The following ROR2 variants were observed in gnomAD, a reference collection of about 807,000 sequenced individuals.
The protein encoded by ROR2 is tyrosine-protein kinase transmembrane receptor ROR2.
Under a neutral mutation model 74.9 loss-of-function variants are expected in ROR2, and 33 were observed. The observed-to-expected ratio is 0.44, with a 90% confidence interval of 0.33 to 0.59. ROR2 has a LOEUF of 0.59. Among genes scored for constraint, ROR2 ranks in the 20% least tolerant of loss-of-function variants. ROR2 has a pLI of 0.02. For synonymous variants in ROR2, 586 were observed against 558.7 expected (o/e 1.05, Z -0.69); for missense variants, 1,216 against 1,313.8 (o/e 0.93, Z 1.15).
intron 1 of ROR2, among the ~76,000 whole-genome samples, chr9:91,920,287 C>T (rs1229062288): frequency 6.6e-6 from 1 of 152,148 alleles, no homozygotes; most frequent in African/African-American, 2.4e-5. Flanking sequence ...TGGGAGGTCA[C>T]TAGAGCCCAG....
chr9:91,893,172 G>A (rs532107445), intron 1 of ROR2, among the ~76,000 whole-genome samples: 62 of 152,264 alleles, frequency 4.1e-4, no homozygotes, highest in African/African-American at 1.4e-3. Flanking sequence ...GCTTTGGCTA[G>A]GAGACACCCC....
intron 1 of ROR2, among the ~76,000 whole-genome samples, chr9:91,808,546 C>A (rs1048365459): frequency 6.6e-6 from 1 of 152,042 alleles, no homozygotes; most frequent in Non-Finnish European, 1.5e-5. Context: ...ATCACTTGAA[C>A]CCGGAAGGTG....
chr9:91,822,583 T>A (rs1828168847), intron 1 of ROR2, among the ~76,000 whole-genome samples: 1 of 152,210 alleles, frequency 6.6e-6, no homozygotes, highest in Admixed American at 6.5e-5. Flanking sequence ...TAGAAAATTG[T>A]CATTTTGCAA....
chr9:91,833,741 G>A (rs1362392893), intron 1 of ROR2, among the ~76,000 whole-genome samples: 1 of 152,054 alleles, frequency 6.6e-6, no homozygotes. Context: ...ACACGCAGAA[G>A]GAGCTGTCCT....
At chr9:91,801,333 T>C (rs1827372608) in intron 1 of ROR2, among the ~76,000 whole-genome samples, 1 of 151,628 alleles carries the variant, frequency 6.6e-6, no homozygotes, top group South Asian at 2.1e-4. Context: ...TGCACGCTTT[T>C]TTATTTTATT....
At position 91,724,630 on chromosome 9, in the gene ROR2, G is replaced by A; in HGVS notation, c.1864C>T (p.Leu622=). 6.2e-7 allele frequency: 1 copy of A among 1,614,218 alleles called. No homozygotes were observed. Among genetic ancestry groups the A allele is most frequent in the Non-Finnish European group, 8.5e-7 (1 of 1,180,044 alleles). ...TTCACGTTCAGCTTGTCGTACACTA[G>A]CACATTGCGGGTGGCCAGGTCCTTG... ...VHKDLATRNV[L]VYDKLNVKIS... The change falls in exon 9 of 9, where the codon CTA becomes TTA. Residue 622 remains leucine, a synonymous_variant. Coordinates refer to ENST00000375708, the MANE Select transcript of ROR2 (RefSeq NM_004560.4).
intron 1 of ROR2, among the ~76,000 whole-genome samples, chr9:91,882,587 T>C (rs1177571769): frequency 1.3e-5 from 2 of 152,210 alleles, no homozygotes; most frequent in African/African-American, 2.4e-5. Context: ...CTGCTGTTTA[T>C]GGATTGTTAT....
chr9:91,741,686 GA>G (rs1461785446), intron 4 of ROR2, among the ~76,000 whole-genome samples: 3 of 152,116 alleles, frequency 2.0e-5, no homozygotes, highest in African/African-American at 2.4e-5. Context: ...ATCTTATTAT[GA>G]GAGAGGCTGA....
At chr9:91,877,353 G>A (rs1829985260) in intron 1 of ROR2, among the ~76,000 whole-genome samples, 1 of 152,284 alleles carries the variant, frequency 6.6e-6, no homozygotes, top group East Asian at 1.9e-4. Flanking sequence ...GAATGCTTCA[G>A]ATCAGCCTGT....
intron 1 of ROR2, among the ~76,000 whole-genome samples, chr9:91,878,395 T>C (rs1027987007): frequency 6.6e-6 from 1 of 152,200 alleles, no homozygotes; most frequent in Non-Finnish European, 1.5e-5. Context: ...CTGCAAAGCC[T>C]TCCCAGCCTT....
chr9:91,799,220 C>T (rs1827294936), intron 1 of ROR2, among the ~76,000 whole-genome samples: 1 of 152,196 alleles, frequency 6.6e-6, no homozygotes, highest in South Asian at 2.1e-4. Flanking sequence ...TTCAATGACA[C>T]TGCCCCAGGG....
chr9:91,754,603 G>A (rs374384026), intron 4 of ROR2, among the ~76,000 whole-genome samples: 5 of 152,030 alleles, frequency 3.3e-5, no homozygotes, highest in African/African-American at 4.8e-5. Context: ...TGCAGTGAGC[G>A]GAGACTGCAC....
chr9:91,861,084 C>A (rs968762016), intron 1 of ROR2, among the ~76,000 whole-genome samples: 1 of 152,016 alleles, frequency 6.6e-6, no homozygotes, highest in African/African-American at 2.4e-5. Context: ...CTGAAAACTA[C>A]GAACATTGTT....
intron 1 of ROR2, among the ~76,000 whole-genome samples, chr9:91,879,643 G>C (rs1477862691): frequency 1.3e-5 from 2 of 151,912 alleles, no homozygotes; most frequent in Admixed American, 6.6e-5. Flanking sequence ...AGGTCAGCTG[G>C]GCCTTGGAAG....
chr9:91,778,970 C>G (rs1826514582), intron 1 of ROR2, among the ~76,000 whole-genome samples: 1 of 152,114 alleles, frequency 6.6e-6, no homozygotes, highest in Non-Finnish European at 1.5e-5. Context: ...ATGACACATT[C>G]AATATCTAGT....
At chr9:91,893,113 C>T (rs939168960) in intron 1 of ROR2, among the ~76,000 whole-genome samples, 3 of 152,160 alleles carry the variant, frequency 2.0e-5, no homozygotes, top group Non-Finnish European at 2.9e-5. Context: ...CAGACAAGGA[C>T]ATTCCAGCAT....
chr9:91,734,793 C>T (rs549618305), intron 5 of ROR2, among the ~76,000 whole-genome samples: 6 of 152,200 alleles, frequency 3.9e-5, no homozygotes, highest in Non-Finnish European at 8.8e-5. Flanking sequence ...TAAAAGGCGG[C>T]GTCAGTGGGC....
At chr9:91,808,548 C>T (rs886575213) in intron 1 of ROR2, among the ~76,000 whole-genome samples, 8 of 152,098 alleles carry the variant, frequency 5.3e-5, no homozygotes, top group Middle Eastern at 3.4e-3. Flanking sequence ...CACTTGAACC[C>T]GGAAGGTGGA....
intron 1 of ROR2, among the ~76,000 whole-genome samples, chr9:91,886,025 A>G (rs1295095634): frequency 6.6e-6 from 1 of 151,786 alleles, no homozygotes; most frequent in Non-Finnish European, 1.5e-5. Flanking sequence ...ACAGGTGTGC[A>G]CCACTACGTC....
Sources: allele counts gnomAD v4.1 joint callset (sites outside exome capture counted in the v4.1 genomes callset), GRCh38; gene constraint gnomAD v4.1.1; transcripts MANE v1.5; gene names NCBI Gene and HGNC (gene_info 2026-07-23, HGNC 2026-07-21).